The following ADAT1 variants were observed in gnomAD, a reference collection of about 807,000 sequenced individuals.
ADAT1 encodes the protein tRNA-specific adenosine deaminase 1.
A neutral mutation model predicts 58.6 loss-of-function variants in ADAT1; 58 were observed. The ratio of observed to expected loss-of-function variants is 0.99; its 90% CI spans 0.80 to 1.23. The LOEUF (loss-of-function observed/expected upper bound fraction) is 1.23. Ranked by LOEUF, ADAT1 falls within the 50% of genes most tolerant of loss-of-function variation. The pLI is 0.00. For synonymous variants in ADAT1, 254 were observed against 220.8 expected (o/e 1.15, Z -1.33); for missense variants, 741 against 608.6 (o/e 1.22, Z -2.29).
chr16:75,618,120 A>T, intron 4 of ADAT1, among the ~76,000 whole-genome samples: 1 of 146,792 alleles, frequency 6.8e-6, no homozygotes. Flanking sequence ...AAAAAAAAAA[A>T]AAAAGAGAGA....
intron 6 of ADAT1, among the ~76,000 whole-genome samples, chr16:75,609,471 T>C (rs1270025611): frequency 1.3e-5 from 2 of 151,736 alleles, no homozygotes; most frequent in Non-Finnish European, 2.9e-5. Flanking sequence ...ACAGAAAACA[T>C]CCCAGGCACA....
intron 3 of ADAT1, 59 bp from the exon 4 acceptor site, chr16:75,618,699 C>A: frequency 6.3e-7 from 1 of 1,596,714 alleles, no homozygotes; most frequent in Non-Finnish European, 8.5e-7. Context: ...GGTCTGGTTC[C>A]TAGAAGCAGA....
At chr16:75,601,177 C>T (rs1406329862) in intron 9 of ADAT1, among the ~76,000 whole-genome samples, 1 of 151,938 alleles carries the variant, frequency 6.6e-6, no homozygotes, top group Admixed American at 6.6e-5. Context: ...CCCATCTCTA[C>T]TAAAAATACA....
At chr16:75,608,818 G>C (rs2081437881) in intron 7 of ADAT1, 25 bp downstream of exon 7, 1 of 1,605,392 alleles carries the variant, frequency 6.2e-7, no homozygotes, top group Non-Finnish European at 8.5e-7. Flanking sequence ...GTTACTCCAG[G>C]GCAGGTCTAA....
intron 5 of ADAT1, among the ~76,000 whole-genome samples, chr16:75,615,022 C>T (rs767767136): frequency 2.6e-5 from 4 of 151,932 alleles, no homozygotes; most frequent in African/African-American, 7.3e-5. Flanking sequence ...GTCAGGAGTT[C>T]GAGACCAGCC....
At chr16:75,601,157 A>G (rs2151739247) in intron 9 of ADAT1, among the ~76,000 whole-genome samples, 1 of 152,202 alleles carries the variant, frequency 6.6e-6, no homozygotes, top group Admixed American at 6.5e-5. Flanking sequence ...CCTGGCCAAC[A>G]TGGTGAAACC....
At chr16:75,609,832 T>C (rs1487734103) in intron 6 of ADAT1, among the ~76,000 whole-genome samples, 1 of 151,858 alleles carries the variant, frequency 6.6e-6, no homozygotes, top group Non-Finnish European at 1.5e-5. Flanking sequence ...ACCTCCCAAG[T>C]AGCTGAGACT....
At chr16:75,609,725 TGA>T (rs1159909835) in intron 6 of ADAT1, among the ~76,000 whole-genome samples, 1 of 152,136 alleles carries the variant, frequency 6.6e-6, no homozygotes, top group Non-Finnish European at 1.5e-5. Flanking sequence ...TTTGTTTTTT[TGA>T]GATAGGGTCT....
At chr16:75,619,958 T>A in intron 3 of ADAT1, among the ~76,000 whole-genome samples, 1 of 151,040 alleles carries the variant, frequency 6.6e-6, no homozygotes, top group South Asian at 2.1e-4. Context: ...CTGCATCCTC[T>A]ACCTGCTATA....
Position 75,612,284 on chromosome 16 carries a change from G to A in ADAT1, c.1002C>T (p.Cys334=). Residue 334 remains cysteine, a synonymous_variant, in exon 6 of 10, where the codon TGC becomes TGT. Transcript: ENST00000564657. ...IYLSAVVIGK[C]PYSQEAMQRA... is the part of the protein sequence containing the mutation. ...TCTGCATGGCTTCCTGGCTGTATGG[G>A]CACTTCCCAATGACCACAGCTGACA... The A allele has an allele frequency of 6.2e-7, 1 of 1,614,100 alleles. No homozygotes were observed. Among genetic ancestry groups the A allele is most frequent in the Non-Finnish European group, 8.5e-7 (1 of 1,180,026 alleles).
In ADAT1 at chr16:75,612,759, T is replaced by A; in HGVS notation, c.527A>T (p.Asn176Ile). The A allele has an allele frequency of 6.2e-7, 1 of 1,614,092 alleles. No homozygotes were observed. Among genetic ancestry groups the A allele is most frequent in the Non-Finnish European group, 8.5e-7 (1 of 1,180,024 alleles). ...TCTTTCATTTCCAGGAGCTTCCAGG[T>A]TACTACTGGCTTCTACTGATGAGTT... ...AHNSSVEASS[N>I]LEAPGNERKC... The change falls in exon 6 of 10, where the codon AAC becomes ATC. Residue 176 changes from asparagine (N) to isoleucine (I), a missense_variant. Transcript: ENST00000564657.
intron 4 of ADAT1, among the ~76,000 whole-genome samples, chr16:75,617,835 C>T (rs907459066): frequency 6.0e-5 from 9 of 150,704 alleles, no homozygotes. Flanking sequence ...CCTGTAAATC[C>T]GGCACTTTAG....
In ADAT1 at chr16:75,599,074, CTTTTTTTT is replaced by C. The variant is rs1051010531; in HGVS notation, c.*1134_*1141del. ...GATTTGCTGCAGGGCCTTTTGGCTT[CTTTTTTTT>C]TTTTTTTTTTTTTTTTTGAGATAGG... On this transcript the variant is annotated 3_prime_UTR_variant, in exon 10 of 10. Transcript: ENST00000564657. 1.4e-5 allele frequency: 12 copies of C among 857,090 alleles called. No homozygotes were observed. Among genetic ancestry groups the C allele is most frequent in the Middle Eastern group, 6.3e-4 (1 of 1,578 alleles). The allele number at this position is 857,090 out of a possible 1,614,324, so 53.1% of individuals were successfully genotyped here.
Position 75,603,096 on chromosome 16 carries a change from T to G in ADAT1, c.1365A>C (p.Pro455=), listed in dbSNP as rs762187737. 1.2e-6 allele frequency: 2 copies of G among 1,613,944 alleles called. No individual in the cohort carries two copies. The highest frequency in any genetic ancestry group is 1.7e-5 in the Admixed American group (1 of 60,012). ...GTCAACAGCATCACCTGAGGGAGTGTGGCCACTTGTCCCTTGCAATTCTGC... is the reference window on the plus strand; with the variant it reads ...GTCAACAGCATCACCTGAGGGAGTGGGGCCACTTGTCCCTTGCAATTCTGC... ...LLSRIARDKW[P]HSLRVQKLDT... is the part of the protein sequence containing the mutation. The change falls in exon 9 of 10, where the codon CCA becomes CCC. Residue 455 remains proline, a synonymous_variant. Coordinates refer to ENST00000564657, the MANE Select transcript of ADAT1 (RefSeq NM_001324445.2).
intron 9 of ADAT1, among the ~76,000 whole-genome samples, chr16:75,602,842 G>A (rs1268554139): frequency 6.6e-6 from 1 of 152,170 alleles, no homozygotes; most frequent in African/African-American, 2.4e-5. Flanking sequence ...GGCCTGGAAT[G>A]GCCAAGCCCC....
At position 75,599,193 on chromosome 16, in the gene ADAT1, T is replaced by G; in HGVS notation, c.*1023A>C. 7 of 905,724 alleles carry G rather than the reference T, an allele frequency of 7.7e-6. No individual in the cohort carries two copies. Among genetic ancestry groups the G allele is most frequent in the Non-Finnish European group, 9.2e-6 (7 of 758,922 alleles). The allele number at this position is 905,724 out of a possible 1,614,324, so 56.1% of individuals were successfully genotyped here. On this transcript the variant is annotated 3_prime_UTR_variant, in exon 10 of 10. Transcript: ENST00000564657. The stretch of plus-strand genomic sequence containing the variant: ...GCCTCCTGGGTTCAAGCAATTCTCC[T>G]GCCTCAGCCTCCCGAGTAGCTAGGA...
At chr16:75,619,732 G>A (rs746602220) in intron 3 of ADAT1, 6 of 408,504 alleles carry the variant, frequency 1.5e-5, no homozygotes, top group Admixed American at 9.0e-5. Context: ...CCAGCATGGT[G>A]AAACCCCGTC....
At position 75,616,655 on chromosome 16, in the gene ADAT1, CCTAA is replaced by C. The variant is rs376705602; in HGVS notation, c.424+483_424+486del. ...ACCCTTATAACCCACCAAAATTTAC[CCTAA>C]CTAACCATGACTGTCTACATTTCCT... On this transcript the variant is annotated intron_variant, in intron 5 of 9. Coordinates refer to ENST00000564657, the MANE Select transcript of ADAT1 (RefSeq NM_001324445.2). 3.5e-4 allele frequency among the ~76,000 whole-genome samples: 54 copies of C among 152,282 alleles called. 1 individual carries two copies. The East Asian group carries it at 6.7e-3, about 19-fold the overall frequency.
chr16:75,605,371 G>A (rs888222700), intron 8 of ADAT1, among the ~76,000 whole-genome samples: 3 of 152,108 alleles, frequency 2.0e-5, no homozygotes, highest in Non-Finnish European at 2.9e-5. Context: ...TTACAGACGT[G>A]AGCCACAGCA....
Sources: gnomAD v4.1 joint callset for allele counts (sites outside exome capture counted in the v4.1 genomes callset) on GRCh38, gnomAD v4.1.1 for gene constraint, MANE v1.5 for transcripts, NCBI Gene and HGNC (gene_info 2026-07-23, HGNC 2026-07-21) for gene names.